EFCAB3: variants seen among roughly 807,000 people sequenced by gnomAD.
EFCAB3 encodes EF-hand calcium binding domain 3, also known as EF-hand calcium-binding domain-containing protein 3.
A neutral mutation model predicts 42.2 loss-of-function variants in EFCAB3; 36 were observed. The ratio of observed to expected loss-of-function variants is 0.85; its 90% confidence interval spans 0.65 to 1.13. The LOEUF is 1.13. EFCAB3 is among the 50% of genes most tolerant of loss of function. The pLI, the probability that EFCAB3 is intolerant of heterozygous loss-of-function variation, is 0.00. For synonymous variants in EFCAB3, 170 were observed against 172.8 expected (o/e 0.98, Z 0.13); for missense variants, 418 against 505.1 (o/e 0.83, Z 1.65).
At chr17:62,375,387 C>T (rs2070142312) in intron 2 of EFCAB3, among the ~76,000 whole-genome samples, 1 of 152,204 alleles carries the variant, frequency 6.6e-6, no homozygotes, top group Admixed American at 6.5e-5. Context: ...TAAAATCATA[C>T]TGCCAATTGG....
chr17:62,413,530 C>T (rs1300195159), intron 8 of EFCAB3, among the ~76,000 whole-genome samples: 3 of 152,114 alleles, frequency 2.0e-5, no homozygotes, highest in Admixed American at 1.3e-4. Context: ...CTAGGATATA[C>T]AGATATTTTT....
At chr17:62,372,879 C>T (rs922799416) in intron 1 of EFCAB3, among the ~76,000 whole-genome samples, 2 of 152,192 alleles carry the variant, frequency 1.3e-5, no homozygotes, top group Non-Finnish European at 2.9e-5. Context: ...ATGCTCCAAA[C>T]CAACTGAACT....
chr17:62,373,736 A>T lies in EFCAB3; in HGVS notation c.35-78A>T, dbSNP rs2070130399. 11 of 820,918 alleles carry T rather than the reference A, an allele frequency of 1.3e-5. No individual in the cohort carries two copies. In the South Asian group the frequency reaches 1.6e-4, roughly 12 times the overall value. 50.9% of individuals were successfully genotyped at this position (820,918 alleles called of 1,614,324 possible). ...ACTCATGGAAGAATTTCAGCCTATT[A>T]TATTGTTTTTAATAATTTCACAACT... On this transcript the variant is annotated intron_variant, in intron 1 of 11. Transcript: ENST00000450662.
At chr17:62,384,264 G>A (rs1253986794) in intron 2 of EFCAB3, among the ~76,000 whole-genome samples, 1 of 152,128 alleles carries the variant, frequency 6.6e-6, no homozygotes, top group Non-Finnish European at 1.5e-5. Context: ...GAAAAATAAA[G>A]TCTTTCTCCA....
chr17:62,391,923 A>C lies in EFCAB3; in HGVS notation c.253A>C (p.Lys85Gln), dbSNP rs754586293. The C allele has an allele frequency of 3.1e-6, 5 of 1,612,970 alleles. No individual in the cohort carries two copies. In the East Asian group the frequency reaches 1.1e-4, roughly 36 times the overall value. ...AGCTAAGCTGGGAATGAATCTGACCAAGCATGATGTCTATAATGAATTGAA... is the reference window on the plus strand; with the variant it reads ...AGCTAAGCTGGGAATGAATCTGACCCAGCATGATGTCTATAATGAATTGAA... ...TVAKLGMNLT[K>Q]HDVYNELKCA... The change falls in exon 4 of 10, where the codon AAG (lysine) becomes CAG (glutamine). Residue 85 changes from lysine (K) to glutamine (Q), a missense_variant. Coordinates refer to ENST00000305286, the MANE Select transcript of EFCAB3 (RefSeq NM_173503.4).
At chr17:62,413,986 T>C in intron 9 of EFCAB3, 132 bp downstream of exon 9, 1 of 1,047,954 alleles carries the variant, frequency 9.5e-7, no homozygotes. Context: ...TTGTTTCTCA[T>C]GTTTACCCAT....
intron 6 of EFCAB3, among the ~76,000 whole-genome samples, chr17:62,402,209 T>C (rs1263450858): frequency 6.6e-6 from 1 of 152,238 alleles, no homozygotes; most frequent in Non-Finnish European, 1.5e-5. Flanking sequence ...TGGGGTTTTC[T>C]AAATATGCAA....
chr17:62,415,423 A>T (rs1158317758), intron 9 of EFCAB3, among the ~76,000 whole-genome samples: 1 of 152,180 alleles, frequency 6.6e-6, no homozygotes, highest in Non-Finnish European at 1.5e-5. Context: ...CCTCACAGAG[A>T]TTACTGACTT....
intron 6 of EFCAB3, among the ~76,000 whole-genome samples, chr17:62,401,159 T>C (rs2070399846): frequency 2.0e-5 from 3 of 152,202 alleles, no homozygotes; most frequent in African/African-American, 7.2e-5. Context: ...TGTAAATTTG[T>C]TTAAGTTCTT....
intron 2 of EFCAB3, among the ~76,000 whole-genome samples, chr17:62,374,481 T>C (rs2070135869): frequency 6.6e-6 from 1 of 152,006 alleles, no homozygotes. Flanking sequence ...TAAATAAATA[T>C]AGCTAATAAT....
intron 6 of EFCAB3, among the ~76,000 whole-genome samples, chr17:62,400,470 C>A (rs949026877): frequency 6.6e-6 from 1 of 152,132 alleles, no homozygotes; most frequent in African/African-American, 2.4e-5. Context: ...TGAGTGAGAA[C>A]ATGCGGTGTT....
At chr17:62,407,448 T>C (rs1421914365) in intron 8 of EFCAB3, among the ~76,000 whole-genome samples, 1 of 152,074 alleles carries the variant, frequency 6.6e-6, no homozygotes, top group Non-Finnish European at 1.5e-5. Flanking sequence ...ATAGGAATAA[T>C]AACAATAAAA....
chr17:62,397,926 G>A, intron 6 of EFCAB3: 1 of 231,516 alleles, frequency 4.3e-6, no homozygotes, highest in Non-Finnish European at 8.3e-6. Context: ...TCAGGAGGCT[G>A]AGGCAGGAGA....
chr17:62,415,109 CAAAA>C lies in EFCAB3; in HGVS notation c.991-888_991-885del, dbSNP rs761576849. On this transcript the variant is annotated intron_variant, in intron 9 of 9. Coordinates refer to ENST00000305286, the MANE Select transcript of EFCAB3 (RefSeq NM_173503.4). ...ACAGGGCAAGACTCCGTCTCAAAAA[CAAAA>C]AAAAACAAAAAAAAACAAAAAAACC... 2.8e-4 allele frequency among the ~76,000 whole-genome samples: 39 copies of C among 141,008 alleles called. 1 individual carries two copies. The highest frequency in any genetic ancestry group is 1.3e-3 in the East Asian group (5 of 3,704). 92.5% of individuals were successfully genotyped at this position (141,008 alleles called of 152,430 possible). A position where few individuals can be genotyped will look rare whatever the true frequency, so the allele number is the denominator to read the frequency against.
rs1358359281 is a variant in EFCAB3, at chr17:62,391,919, G to C, written c.249G>C (p.Leu83=). The change falls in exon 4 of 10, where the codon CTG becomes CTC. Residue 83 remains leucine (L), a synonymous_variant. Transcript: ENST00000305286. ...MCTVAKLGMN[L]TKHDVYNELK... Reference sequence around the variant, plus strand: ...CTGTAGCTAAGCTGGGAATGAATCTGACCAAGCATGATGTCTATAATGAAT... The same window carrying C: ...CTGTAGCTAAGCTGGGAATGAATCTCACCAAGCATGATGTCTATAATGAAT... The C allele has an allele frequency of 1.2e-6, 2 of 1,613,190 alleles. No homozygotes were observed. The highest frequency in any genetic ancestry group is 2.2e-5 in the South Asian group (2 of 90,934).
upstream of EFCAB3, among the ~76,000 whole-genome samples, chr17:62,378,666 C>G (rs1203231939): frequency 6.6e-6 from 1 of 151,440 alleles, no homozygotes; most frequent in Non-Finnish European, 1.5e-5. Context: ...CACCACCGCA[C>G]TTCAGCCTCA....
At chr17:62,391,393 A>C (rs2144077747) in intron 3 of EFCAB3, among the ~76,000 whole-genome samples, 1 of 152,074 alleles carries the variant, frequency 6.6e-6, no homozygotes, top group South Asian at 2.1e-4. Context: ...CTGATAAATC[A>C]ACAATGGTGG....
At chr17:62,371,692 C>G (rs2070115746) in intron 1 of EFCAB3, among the ~76,000 whole-genome samples, 1 of 152,012 alleles carries the variant, frequency 6.6e-6, no homozygotes, top group South Asian at 2.1e-4. Flanking sequence ...GCGAGTGAAA[C>G]TAGAAAATAA....
chr17:62,416,175 T>C lies in EFCAB3; in HGVS notation c.1163T>C (p.Leu388Ser), dbSNP rs771424609. The C allele has an allele frequency of 6.2e-7, 1 of 1,613,984 alleles. No homozygotes were observed. Among genetic ancestry groups the C allele is most frequent in the Non-Finnish European group, 8.5e-7 (1 of 1,179,862 alleles). The change falls in exon 10 of 10, where the codon TTA (leucine) becomes TCA (serine). Residue 388 changes from leucine (L) to serine (S), a missense_variant. Transcript: ENST00000305286. Reference protein sequence around the residue: ...YTWSWNVCQELLSPKDLRLYD... With the variant: ...YTWSWNVCQESLSPKDLRLYD... ...TGGTCCTGGAATGTTTGCCAAGAAT[T>C]ACTTTCTCCTAAGGACTTAAGGTTA...
Sources: gnomAD v4.1 joint callset for allele counts (sites outside exome capture counted in the v4.1 genomes callset) on GRCh38, gnomAD v4.1.1 for gene constraint, MANE v1.5 for transcripts, NCBI Gene and HGNC (gene_info 2026-07-23, HGNC 2026-07-21) for gene names.